Variants in OR2A1 observed in about 807,000 individuals in gnomAD.
OR2A1 encodes the protein olfactory receptor 2A1/2A42.
For synonymous variants in OR2A1, 2 were observed against 94.7 expected (o/e 0.02, Z 5.68); for missense variants, 1 against 212.3 (o/e 0.00, Z 6.19).
chr7:144,313,420 T>G (rs112261599), intron 1 of OR2A1, among the ~76,000 whole-genome samples: 79 of 68,406 alleles, frequency 1.2e-3, no homozygotes, highest in East Asian at 7.8e-3. Context: ...TTGTTTGTTT[T>G]TTTACCATCT....
chr7:144,313,482 G>A, intron 1 of OR2A1, among the ~76,000 whole-genome samples: 1 of 135,418 alleles, frequency 7.4e-6, no homozygotes, highest in Non-Finnish European at 1.6e-5. Flanking sequence ...TACTATAATC[G>A]GTATACTTGA....
In OR2A1 at chr7:144,320,874, G is replaced by C. The variant is rs371849493; in HGVS notation, c.*1817G>C. On this transcript the variant is annotated 3_prime_UTR_variant, in exon 2 of 2. Coordinates refer to ENST00000641044, the MANE Select transcript of OR2A1 (RefSeq NM_001005287.2). ...ATACTGGTGCGTGAAATGAGATGAG[G>C]TGGTAGCAAGAAGGAACTGTGACTC... is the stretch of plus-strand genomic sequence containing the variant. 4.3e-3 allele frequency: 196 copies of C among 45,366 alleles called. 11 individuals are homozygous for C. The highest frequency in any genetic ancestry group is 0.024 in the South Asian group (36 of 1,504). 2.8% of individuals were successfully genotyped at this position (45,366 alleles called of 1,614,324 possible).
In OR2A1 at chr7:144,322,641, C is replaced by T. The variant is rs2053181274; in HGVS notation, c.*3584C>T. On this transcript the variant is annotated 3_prime_UTR_variant, in exon 2 of 2. Transcript: ENST00000641044. Reference sequence around the variant, plus strand: ...CTGACTGTAAATAAATTCTGAGCCACTCTCTTGCAGAGGACCTCCTGATAT... The same window carrying T: ...CTGACTGTAAATAAATTCTGAGCCATTCTCTTGCAGAGGACCTCCTGATAT... 4 of 150,130 alleles carry T rather than the reference C, an allele frequency of 2.7e-5. 1 individual carries two copies. 9.3% of individuals were successfully genotyped at this position (150,130 alleles called of 1,614,324 possible).
intron 1 of OR2A1, among the ~76,000 whole-genome samples, chr7:144,316,192 A>G (rs1428195823): frequency 1.3e-5 from 2 of 150,042 alleles, no homozygotes; most frequent in African/African-American, 4.9e-5. Context: ...AATATTCACT[A>G]GAATTTATTT....
At chr7:144,315,732 T>C (rs2053067110) in intron 1 of OR2A1, among the ~76,000 whole-genome samples, 1 of 103,198 alleles carries the variant, frequency 9.7e-6, no homozygotes, top group South Asian at 2.6e-4. Flanking sequence ...ACACGGTTCA[T>C]GCCTACAATC....
At chr7:144,313,425 C>A in intron 1 of OR2A1, among the ~76,000 whole-genome samples, 2 of 82,778 alleles carry the variant, frequency 2.4e-5, no homozygotes, top group African/African-American at 6.4e-5. Context: ...TGTTTTTTTA[C>A]CATCTTTGGA....
Position 144,322,560 on chromosome 7 carries a change from T to A in OR2A1, c.*3503T>A, listed in dbSNP as rs2053180115. ...ATAAAGTTTAGTGTAATTAATTAAT[T>A]TATTCAAGGTCGCCAAATCATTCAG... On this transcript the variant is annotated 3_prime_UTR_variant, in exon 2 of 2. Transcript: ENST00000641044. 6.6e-6 allele frequency: 1 copy of A among 150,582 alleles called. No homozygotes were observed. The highest frequency in any genetic ancestry group is 6.6e-5 in the Admixed American group (1 of 15,208). 9.3% of individuals were successfully genotyped at this position (150,582 alleles called of 1,614,324 possible).
rs2053172514 is a variant in OR2A1 at position 144,322,120 on chromosome 7, C to A, written c.*3063C>A. 7.0e-6 allele frequency: 1 copy of A among 142,050 alleles called. No individual in the cohort carries two copies. The highest frequency in any genetic ancestry group is 2.2e-4 in the South Asian group (1 of 4,598). 8.8% of individuals were successfully genotyped at this position (142,050 alleles called of 1,614,324 possible). On this transcript the variant is annotated 3_prime_UTR_variant, in exon 2 of 2. Coordinates refer to ENST00000641044, the MANE Select transcript of OR2A1 (RefSeq NM_001005287.2). Reference sequence around the variant, plus strand: ...AGACTTCTCCCAAGGTCAAGGAATTCAGATTTTGGTTTTGGTTTCCAACTT... The same window carrying A: ...AGACTTCTCCCAAGGTCAAGGAATTAAGATTTTGGTTTTGGTTTCCAACTT...
chr7:144,321,904 G>A lies in OR2A1; in HGVS notation c.*2847G>A, dbSNP rs981747268. The A allele has an allele frequency of 4.2e-5, 5 of 119,950 alleles. No individual in the cohort carries two copies. The highest frequency in any genetic ancestry group is 7.5e-5 in the Admixed American group (1 of 13,384). 7.4% of individuals were successfully genotyped at this position (119,950 alleles called of 1,614,324 possible). On this transcript the variant is annotated 3_prime_UTR_variant, in exon 2 of 2. Transcript: ENST00000641044. ...GCATTGGTGCTGGTAGGTCACCTAC[G>A]CCTTTGCCCTCATGGCTTCCCCTTG...
At position 144,320,803 on chromosome 7, in the gene OR2A1, AAAACAAAC is replaced by A. The variant is rs367558402; in HGVS notation, c.*1770_*1777del. 2.9e-3 allele frequency: 74 copies of A among 25,658 alleles called. No homozygotes were observed. The highest frequency in any genetic ancestry group is 0.018 in the African/African-American group (52 of 2,830). The allele number at this position is 25,658 out of a possible 1,614,324, so 1.6% of individuals were successfully genotyped here. On this transcript the variant is annotated 3_prime_UTR_variant, in exon 2 of 2. Transcript: ENST00000641044. ...CAGAAAAGTACTTAAAGCTGGGGGA[AAAACAAAC>A]AAACAAACAAACAAACAAACAAAAA...
Position 144,321,183 on chromosome 7 carries a change from T to C in OR2A1, c.*2126T>C, listed in dbSNP as rs1159545345. The C allele has an allele frequency of 1.9e-5, 1 of 53,720 alleles. No individual in the cohort carries two copies. Among genetic ancestry groups the C allele is most frequent in the Admixed American group, 2.3e-4 (1 of 4,318 alleles). The allele number at this position is 53,720 out of a possible 1,614,324, so 3.3% of individuals were successfully genotyped here. ...AGTGAGACCTTGTGTCCAACAATAA[T>C]AAAAATGAAATAATTTATTAAATTT... On this transcript the variant is annotated 3_prime_UTR_variant, in exon 2 of 2. Transcript: ENST00000641044.
rs1731172 is a variant in OR2A1, at chr7:144,320,393, A to G, written c.*1336A>G. ...CAGAACAAAGACATCTCTAGTTCAC[A>G]TACAACACTCACATGCTCACGTACA... is the stretch of plus-strand genomic sequence containing the variant. On this transcript the variant is annotated 3_prime_UTR_variant, in exon 2 of 2. Coordinates refer to ENST00000641044, the MANE Select transcript of OR2A1 (RefSeq NM_001005287.2). 0.66 allele frequency: 76,107 copies of G among 114,518 alleles called. 21,395 individuals are homozygous for G. The highest frequency in any genetic ancestry group is 0.92 in the East Asian group (4,003 of 4,334). 7.1% of individuals were successfully genotyped at this position (114,518 alleles called of 1,614,324 possible).
rs1305647659 is a variant in OR2A1 at position 144,320,540 on chromosome 7, C to G, written c.*1483C>G. Reference sequence around the variant, plus strand: ...TCATAAAAACCCTATGAGGTAGAGACTATTACTACTATTTTTAGGCGAGAA... The same window carrying G: ...TCATAAAAACCCTATGAGGTAGAGAGTATTACTACTATTTTTAGGCGAGAA... On this transcript the variant is annotated 3_prime_UTR_variant, in exon 2 of 2. Coordinates refer to ENST00000641044, the MANE Select transcript of OR2A1 (RefSeq NM_001005287.2). 3 of 97,592 alleles carry G rather than the reference C, an allele frequency of 3.1e-5. No individual in the cohort carries two copies. The highest frequency in any genetic ancestry group is 2.1e-4 in the Admixed American group (2 of 9,382). 6.0% of individuals were successfully genotyped at this position (97,592 alleles called of 1,614,324 possible). A position where few individuals can be genotyped will look rare whatever the true frequency, so the allele number is the denominator to read the frequency against.
intron 1 of OR2A1, among the ~76,000 whole-genome samples, chr7:144,313,599 T>C (rs1467706212): frequency 1.4e-5 from 1 of 70,644 alleles, no homozygotes; most frequent in Non-Finnish European, 2.4e-5. Context: ...CATCAAAGGA[T>C]TGGAAAAAGT....
intron 1 of OR2A1, among the ~76,000 whole-genome samples, chr7:144,313,739 TAATA>T (rs1277089376): frequency 1.4e-4 from 9 of 65,366 alleles, no homozygotes; most frequent in African/African-American, 6.6e-4. Context: ...ATTTTATGAC[TAATA>T]AATTATCCAA....
In OR2A1 at chr7:144,315,767, G is replaced by A. The variant is rs558469404; in HGVS notation, c.-4-2354G>A. ...CCCAGCACTTTGGGAGGCCGAGGTG[G>A]GAGGAGCACTTGAACCCAAAAGTTT... On this transcript the variant is annotated intron_variant, in intron 1 of 1. Transcript: ENST00000641044. Among the ~76,000 whole-genome samples, 139 of 104,414 alleles carry A rather than the reference G, an allele frequency of 1.3e-3. 6 individuals are homozygous for A. The highest frequency in any genetic ancestry group is 3.7e-3 in the African/African-American group (128 of 34,138). 68.5% of individuals were successfully genotyped at this position (104,414 alleles called of 152,430 possible). A position where few individuals can be genotyped will look rare whatever the true frequency, so the allele number is the denominator to read the frequency against.
At position 144,321,432 on chromosome 7, in the gene OR2A1, G is replaced by C. The variant is rs1340356394; in HGVS notation, c.*2375G>C. 1 of 147,914 alleles carries C rather than the reference G, an allele frequency of 6.8e-6. No homozygotes were observed. The highest frequency in any genetic ancestry group is 2.1e-4 in the South Asian group (1 of 4,738). The allele number at this position is 147,914 out of a possible 1,614,324, so 9.2% of individuals were successfully genotyped here. ...ACCAGAGGAGCAGCAGGAAATCATG[G>C]TGTGCAGAAACCATGCTCAGGCGGT... On this transcript the variant is annotated 3_prime_UTR_variant, in exon 2 of 2. Transcript: ENST00000641044.
rs1273589867 is a variant in OR2A1 at position 144,322,428 on chromosome 7, T to C, written c.*3371T>C. On this transcript the variant is annotated 3_prime_UTR_variant, in exon 2 of 2. Coordinates refer to ENST00000641044, the MANE Select transcript of OR2A1 (RefSeq NM_001005287.2). Reference sequence around the variant, plus strand: ...GAAATTTAATTGTAGCTGATAATTATTGAGCACTTACTATGTGGTTGGCAC... The same window carrying C: ...GAAATTTAATTGTAGCTGATAATTACTGAGCACTTACTATGTGGTTGGCAC... 1.3e-5 allele frequency: 2 copies of C among 150,848 alleles called. No individual in the cohort carries two copies. The highest frequency in any genetic ancestry group is 2.4e-5 in the African/African-American group (1 of 40,844). 9.3% of individuals were successfully genotyped at this position (150,848 alleles called of 1,614,324 possible).
chr7:144,316,887 C>CGCA (rs2053091967), intron 1 of OR2A1, among the ~76,000 whole-genome samples: 1 of 136,732 alleles, frequency 7.3e-6, no homozygotes, highest in Admixed American at 7.5e-5. Flanking sequence ...ACGGCTCAGC[C>CGCA]GCAGGTTATT....
Sources: gnomAD v4.1 joint callset for allele counts (sites outside exome capture counted in the v4.1 genomes callset) on GRCh38, gnomAD v4.1.1 for gene constraint, MANE v1.5 for transcripts, NCBI Gene and HGNC (gene_info 2026-07-23, HGNC 2026-07-21) for gene names.